The following MBD5 variants were observed in gnomAD, a reference collection of about 807,000 sequenced individuals.
The protein encoded by MBD5 is methyl-CpG-binding domain protein 5.
A neutral mutation model predicts 117.3 loss-of-function variants in MBD5; 13 were observed. That is an observed-to-expected ratio of 0.11 (90% CI 0.07 to 0.18). The LOEUF is 0.18. Ranked by LOEUF, MBD5 falls within the 10% of genes least tolerant of loss-of-function variation. MBD5 has a pLI of 1.00. For synonymous variants in MBD5, 727 were observed against 766.4 expected (o/e 0.95, Z 0.85); for missense variants, 1,879 against 2,093.8 (o/e 0.90, Z 2.00).
chr2:148,199,118 C>A (rs769564989), intron 2 of MBD5, among the ~76,000 whole-genome samples: 2 of 152,094 alleles, frequency 1.3e-5, no homozygotes, highest in African/African-American at 4.8e-5. Context: ...TGAAAACTCT[C>A]GGGCAGGAGC....
intron 4 of MBD5, among the ~76,000 whole-genome samples, chr2:148,446,801 T>C (rs79374412): frequency 0.013 from 1,985 of 152,146 alleles, 39 homozygotes; most frequent in African/African-American, 0.038. Context: ...AAGAGCCTTG[T>C]CACACAGAAT....
intron 2 of MBD5, among the ~76,000 whole-genome samples, chr2:148,188,675 C>A (rs972647508): frequency 1.1e-5 from 1 of 90,738 alleles, no homozygotes; most frequent in Non-Finnish European, 2.4e-5. Flanking sequence ...AGTGTGAGAC[C>A]CTGTCTCAAA....
chr2:148,276,790 T>C (rs916981658), intron 3 of MBD5, among the ~76,000 whole-genome samples: 1 of 152,192 alleles, frequency 6.6e-6, no homozygotes, highest in South Asian at 2.1e-4. Flanking sequence ...CAAAGAAATA[T>C]TTGATATGAC....
chr2:148,070,146 T>C (rs531076665), intron 1 of MBD5, among the ~76,000 whole-genome samples: 1 of 152,200 alleles, frequency 6.6e-6, no homozygotes, highest in Admixed American at 6.5e-5. Flanking sequence ...CATTCTACTC[T>C]CTACCTCCAT....
intron 4 of MBD5, among the ~76,000 whole-genome samples, chr2:148,356,880 A>T (rs1347959679): frequency 3.2e-5 from 4 of 124,556 alleles, no homozygotes; most frequent in Non-Finnish European, 6.8e-5. Context: ...TTCAACCCAC[A>T]TTTTTTCTCT....
At chr2:148,050,695 G>T (rs1694673748) in intron 1 of MBD5, among the ~76,000 whole-genome samples, 1 of 152,036 alleles carries the variant, frequency 6.6e-6, no homozygotes, top group Non-Finnish European at 1.5e-5. Context: ...TAGCACTCCT[G>T]TCAAAAATCT....
Position 148,225,533 on chromosome 2 carries a change from G to A in MBD5, c.-830-7712G>A, listed in dbSNP as rs1699798608. Among the ~76,000 whole-genome samples, 4 of 152,086 alleles carry A rather than the reference G, an allele frequency of 2.6e-5. No individual in the cohort carries two copies. The South Asian group carries it at 8.3e-4, about 32-fold the overall frequency. On this transcript the variant is annotated intron_variant, in intron 2 of 13. Transcript: ENST00000642680. ...GTTATAATATTCTGTGTTTTCCTGT[G>A]TATTTGCTATTACCAGTGAGTTTTG...
intron 1 of MBD5, among the ~76,000 whole-genome samples, chr2:148,039,983 T>C (rs1019356471): frequency 6.6e-6 from 1 of 152,048 alleles, no homozygotes; most frequent in Admixed American, 6.6e-5. Flanking sequence ...CCCTACTCCA[T>C]TCAGCCTGGG....
At position 148,470,316 on chromosome 2, in the gene MBD5, G is replaced by C. The variant is rs772842301; in HGVS notation, c.2373G>C (p.Gly791=). Residue 791 remains glycine (G), a synonymous_variant, in exon 8 of 14, where the codon GGG becomes GGC. Coordinates refer to ENST00000642680, the MANE Select transcript of MBD5 (RefSeq NM_001378120.1). ...TAATAAATCAGATTCAGGCTAGCGG[G>C]AACTGTGGGATGCTCAGTCAGTCGG... ...AGLINQIQAS[G]NCGMLSQSGM... 12 of 1,613,792 alleles carry C rather than the reference G, an allele frequency of 7.4e-6. No individual in the cohort carries two copies. The South Asian group carries it at 1.2e-4, about 16-fold the overall frequency.
chr2:148,060,166 A>C (rs1230563937), intron 1 of MBD5, among the ~76,000 whole-genome samples: 2 of 132,368 alleles, frequency 1.5e-5, no homozygotes, highest in African/African-American at 5.5e-5. Flanking sequence ...AAAAAAAGCC[A>C]GGCATGGTGG....
At chr2:148,195,433 A>G (rs964975004) in intron 2 of MBD5, among the ~76,000 whole-genome samples, 3 of 152,184 alleles carry the variant, frequency 2.0e-5, no homozygotes, top group African/African-American at 7.2e-5. Flanking sequence ...GAAAGAAGAA[A>G]TAGACAATTC....
intron 1 of MBD5, among the ~76,000 whole-genome samples, chr2:148,132,632 T>C (rs1697077826): frequency 6.6e-6 from 1 of 152,158 alleles, no homozygotes. Flanking sequence ...TGACTAAGCA[T>C]GAGACAGTTC....
intron 1 of MBD5, among the ~76,000 whole-genome samples, chr2:148,069,224 A>T (rs1695289745): frequency 6.6e-6 from 1 of 152,196 alleles, no homozygotes; most frequent in East Asian, 1.9e-4. Context: ...GGAGCAAGTA[A>T]GACAGAGGAG....
At chr2:148,471,095 A>C (rs1680782676) in intron 8 of MBD5, 1 of 151,956 alleles carries the variant, frequency 6.6e-6, no homozygotes. Flanking sequence ...CTTTCTAATA[A>C]AAAAAAGGCT....
chr2:148,076,984 T>A (rs1573988384), intron 1 of MBD5, among the ~76,000 whole-genome samples: 1 of 152,346 alleles, frequency 6.6e-6, no homozygotes, highest in East Asian at 1.9e-4. Context: ...TTCACATTTT[T>A]AAAGGGTCAG....
chr2:148,205,773 C>A (rs552608879), intron 2 of MBD5, among the ~76,000 whole-genome samples: 4 of 152,192 alleles, frequency 2.6e-5, no homozygotes, highest in African/African-American at 9.6e-5. Context: ...TGCCTGTAAT[C>A]CCAGCACTGT....
intron 4 of MBD5, among the ~76,000 whole-genome samples, chr2:148,350,812 G>A (rs1703231762): frequency 6.6e-6 from 1 of 151,956 alleles, no homozygotes; most frequent in Non-Finnish European, 1.5e-5. Flanking sequence ...AGTTGATAGT[G>A]AGACACAATT....
At chr2:148,237,829 C>T (rs1375639192) in intron 3 of MBD5, among the ~76,000 whole-genome samples, 2 of 152,106 alleles carry the variant, frequency 1.3e-5, no homozygotes, top group African/African-American at 2.4e-5. Flanking sequence ...CTCAAATTCA[C>T]AGAACTGATT....
chr2:148,123,075 C>G (rs1696806620), intron 1 of MBD5, among the ~76,000 whole-genome samples: 1 of 152,142 alleles, frequency 6.6e-6, no homozygotes, highest in South Asian at 2.1e-4. Flanking sequence ...TGCTGCTCTT[C>G]CTATCTTTTA....
Sources: gnomAD v4.1 joint callset for allele counts (sites outside exome capture counted in the v4.1 genomes callset) on GRCh38, gnomAD v4.1.1 for gene constraint, MANE v1.5 for transcripts, NCBI Gene and HGNC (gene_info 2026-07-23, HGNC 2026-07-21) for gene names.